Variants in PTPN12 observed in about 807,000 individuals in gnomAD.
The protein encoded by PTPN12 is tyrosine-protein phosphatase non-receptor type 12.
A neutral mutation model predicts 97.6 loss-of-function variants in PTPN12; 29 were observed. The observed-to-expected ratio is 0.30, with a 90% CI of 0.22 to 0.41. PTPN12 has a LOEUF of 0.41. PTPN12 is among the 10% of genes least tolerant of loss of function. PTPN12 has a pLI of 1.00. For synonymous variants in PTPN12, 327 were observed against 300.4 expected, an observed-to-expected ratio of 1.09 and a Z score of -0.91; for missense variants, 819 against 926.0, an observed-to-expected ratio of 0.88 and a Z score of 1.50.
chr7:77,584,876 CAA>C (rs932401569), intron 4 of PTPN12, among the ~76,000 whole-genome samples: 20 of 88,534 alleles, frequency 2.3e-4, no homozygotes, highest in Admixed American at 2.5e-4. Flanking sequence ...GACTCCGTCT[CAA>C]AAAAAAAAAA....
chr7:77,540,533 C>T (rs1232273811), intron 1 of PTPN12, among the ~76,000 whole-genome samples: 2 of 151,984 alleles, frequency 1.3e-5, no homozygotes, highest in Non-Finnish European at 1.5e-5. Flanking sequence ...CATGAGCCAC[C>T]GAGAGTTCAT....
chr7:77,546,505 T>G (rs1401354213), intron 1 of PTPN12, among the ~76,000 whole-genome samples: 1 of 152,248 alleles, frequency 6.6e-6, no homozygotes, highest in Non-Finnish European at 1.5e-5. Flanking sequence ...AGTCAAACCT[T>G]GACAATTATC....
At chr7:77,638,848 G>C in intron 17 of PTPN12, 117 bp downstream of exon 17, 1 of 1,395,508 alleles carries the variant, frequency 7.2e-7, no homozygotes. Context: ...TTCCAAAGTT[G>C]CTTGGACTAG....
chr7:77,603,571 C>T (rs182081814), intron 8 of PTPN12, among the ~76,000 whole-genome samples: 10 of 151,340 alleles, frequency 6.6e-5, no homozygotes, highest in Admixed American at 3.3e-4. Context: ...CTGCAACCTC[C>T]GCCTCAACTA....
intron 1 of PTPN12, among the ~76,000 whole-genome samples, chr7:77,560,884 C>G (rs980266226): frequency 6.6e-6 from 1 of 152,140 alleles, no homozygotes; most frequent in South Asian, 2.1e-4. Flanking sequence ...CTGTTCGAGA[C>G]CCTGCTTTCC....
chr7:77,631,924 A>G (rs965653689), intron 13 of PTPN12, among the ~76,000 whole-genome samples: 2 of 152,244 alleles, frequency 1.3e-5, no homozygotes, highest in Admixed American at 6.5e-5. Context: ...GTTACATAGT[A>G]TGGCAAAAAT....
chr7:77,632,222 A>AT (rs1392927912), intron 13 of PTPN12, 126 bp from the exon 14 acceptor site: 17 of 703,854 alleles, frequency 2.4e-5, no homozygotes, highest in South Asian at 1.5e-4. Flanking sequence ...GGTTTCTTGC[A>AT]TTTTTTTGCA....
chr7:77,612,444 A>G (rs1361339822), intron 11 of PTPN12, among the ~76,000 whole-genome samples: 3 of 151,962 alleles, frequency 2.0e-5, no homozygotes, highest in Non-Finnish European at 2.9e-5. Context: ...GTTTTGTTTT[A>G]TTTTGTTTTT....
At chr7:77,629,906 A>G (rs1270106974) in intron 13 of PTPN12, among the ~76,000 whole-genome samples, 1 of 148,226 alleles carries the variant, frequency 6.7e-6, no homozygotes, top group African/African-American at 2.5e-5. Flanking sequence ...GCGTCCCGGC[A>G]CTCTGCCTGG....
At chr7:77,540,264 A>C (rs1806896266) in intron 1 of PTPN12, among the ~76,000 whole-genome samples, 1 of 143,872 alleles carries the variant, frequency 7.0e-6, no homozygotes. Context: ...GAGATGTAAC[A>C]CCTCGCTGTG....
chr7:77,551,081 G>C (rs918849385), intron 1 of PTPN12, among the ~76,000 whole-genome samples: 3 of 151,942 alleles, frequency 2.0e-5, no homozygotes, highest in Admixed American at 1.3e-4. Flanking sequence ...TTGTTTTTGA[G>C]ATGGAGTCTC....
chr7:77,614,487 T>C (rs543295008), intron 11 of PTPN12, among the ~76,000 whole-genome samples: 79 of 152,314 alleles, frequency 5.2e-4, no homozygotes, highest in Non-Finnish European at 9.7e-4. Context: ...TCAAACCTAC[T>C]TTCGTACCTC....
chr7:77,592,176 G>A lies in PTPN12; in HGVS notation c.421-9G>A. On this transcript the variant is annotated splice_polypyrimidine_tract_variant and intron_variant, in intron 5 of 17. Transcript: ENST00000248594. Reference sequence around the variant, plus strand: ...GAATTACTTACTAATTTTTTTTTTTGGATGACAGAAAAAATGTGAGCGCTA... The same window carrying A: ...GAATTACTTACTAATTTTTTTTTTTAGATGACAGAAAAAATGTGAGCGCTA... The A allele has an allele frequency of 6.4e-7, 1 of 1,560,774 alleles. No homozygotes were observed. Among genetic ancestry groups the A allele is most frequent in the Non-Finnish European group, 8.7e-7 (1 of 1,154,448 alleles).
Position 77,611,000 on chromosome 7 carries a change from T to A in PTPN12, c.893T>A (p.Leu298Gln), listed in dbSNP as rs757262071. 6.2e-7 allele frequency: 1 copy of A among 1,613,568 alleles called. No individual in the cohort carries two copies. The highest frequency in any genetic ancestry group is 8.5e-7 in the Non-Finnish European group (1 of 1,179,724). The change falls in exon 11 of 18, where the codon CTA (leucine) becomes CAA (glutamine). Residue 298 changes from leucine to glutamine, a missense_variant. Physicochemically the swap from Leu to Gln is moderately radical, Grantham distance 113. Around this residue, in one of 5 missense-constraint regions of PTPN12, gnomAD observed 607 missense variants for 577.3 expected, o/e 1.05. Transcript: ENST00000248594. The stretch of plus-strand genomic sequence containing the variant: ...ATTGCCCAACTGTTTGAAAAACAGC[T>A]ACAACTATATGAAATTCATGGAGCT... Reference protein sequence around the residue: ...RAIAQLFEKQLQLYEIHGAQK... With the variant: ...RAIAQLFEKQQQLYEIHGAQK...
At chr7:77,587,099 G>A (rs986350569) in intron 5 of PTPN12, among the ~76,000 whole-genome samples, 1 of 151,764 alleles carries the variant, frequency 6.6e-6, no homozygotes, top group Non-Finnish European at 1.5e-5. Flanking sequence ...CTCCTCCCAC[G>A]AATCATGAAT....
rs747523763 is a variant in PTPN12, at chr7:77,597,824, A to T, written c.493-18A>T. 2.5e-6 allele frequency: 4 copies of T among 1,602,636 alleles called. No homozygotes were observed. In the Admixed American group the frequency reaches 6.9e-5, roughly 28 times the overall value. On this transcript the variant is annotated intron_variant, in intron 6 of 17. Transcript: ENST00000248594. ...TTTTAACGTTTTCACTGACTTAGAA[A>T]TGTTTCTCTTTATTTAGGAGGATGA...
At chr7:77,604,209 CTT>C (rs71082768) in intron 8 of PTPN12, among the ~76,000 whole-genome samples, 3 of 52,800 alleles carry the variant, frequency 5.7e-5, no homozygotes, top group African/African-American at 8.7e-5. Context: ...TTTTTTCTTC[CTT>C]TTTTTTTTTT....
intron 8 of PTPN12, among the ~76,000 whole-genome samples, chr7:77,602,620 T>TA (rs373802864): frequency 0.034 from 4,841 of 143,440 alleles, 89 homozygotes; most frequent in Middle Eastern, 0.082. Flanking sequence ...CCCTATCTTT[T>TA]AAAAAAAAAA....
intron 2 of PTPN12, among the ~76,000 whole-genome samples, chr7:77,576,949 A>G (rs1179732368): frequency 6.6e-6 from 1 of 152,142 alleles, no homozygotes; most frequent in East Asian, 1.9e-4. Context: ...GCGGGGAGCA[A>G]TCCTGGAAGG....
Sources: allele counts gnomAD v4.1 joint callset (sites outside exome capture counted in the v4.1 genomes callset), GRCh38; gene constraint gnomAD v4.1.1; regional missense constraint gnomAD v4.1.1; transcripts MANE v1.5; gene names NCBI Gene and HGNC (gene_info 2026-07-23, HGNC 2026-07-21).